The following CAST variants were observed in gnomAD, a reference collection of about 807,000 sequenced individuals.
CAST encodes MIR583 host.
A neutral mutation model predicts 119.6 loss-of-function variants in CAST; 76 were observed. The ratio of observed to expected loss-of-function variants is 0.64; its 90% CI spans 0.53 to 0.77. The LOEUF is 0.77. Among genes scored for constraint, CAST ranks in the 30% least tolerant of loss-of-function variants. The probability of loss-of-function intolerance (pLI) is 0.00; values close to 1 mark genes in which losing one functional copy is unlikely to be tolerated. For synonymous variants in CAST, 319 were observed against 331.6 expected (o/e 0.96, Z 0.41); for missense variants, 953 against 946.5 (o/e 1.01, Z -0.09).
the CAST span, among the ~76,000 whole-genome samples, chr5:96,176,461 A>T: frequency 6.6e-6 from 1 of 152,190 alleles, no homozygotes; most frequent in Non-Finnish European, 1.5e-5. Flanking sequence ...CCCCACCTTC[A>T]TTCTGTCTAC....
At chr5:96,116,205 A>C in the CAST span, among the ~76,000 whole-genome samples, 1 of 152,128 alleles carries the variant, frequency 6.6e-6, no homozygotes, top group Non-Finnish European at 1.5e-5. Context: ...ACAATATGAT[A>C]GTCTTCTTAG....
chr5:95,970,651 C>T, the CAST span, among the ~76,000 whole-genome samples: 2 of 152,296 alleles, frequency 1.3e-5, no homozygotes, highest in South Asian at 4.1e-4. Context: ...GATAAGGCCA[C>T]TTTCAAATTG....
chr5:96,361,222 G>T, the CAST span, among the ~76,000 whole-genome samples: 2 of 152,196 alleles, frequency 1.3e-5, no homozygotes, highest in South Asian at 4.1e-4. Flanking sequence ...AGACTGCTCT[G>T]CTGGCAGCAA....
chr5:96,297,744 A>G, the CAST span, among the ~76,000 whole-genome samples: 1 of 151,602 alleles, frequency 6.6e-6, no homozygotes, highest in African/African-American at 2.4e-5. Context: ...TTTTTTCTTT[A>G]TCTTAAGTAG....
At chr5:96,399,185 A>G in the CAST span, 15 of 652,868 alleles carry the variant, frequency 2.3e-5, no homozygotes, top group East Asian at 3.5e-4. Flanking sequence ...AGAATTATGT[A>G]TACATGAATT....
chr5:95,966,816 T>C, the CAST span, among the ~76,000 whole-genome samples: 1 of 152,192 alleles, frequency 6.6e-6, no homozygotes, highest in African/African-American at 2.4e-5. Flanking sequence ...AAGAGCAGTC[T>C]CTAGAAAGTT....
chr5:95,997,684 G>C, the CAST span, among the ~76,000 whole-genome samples: 2 of 152,130 alleles, frequency 1.3e-5, no homozygotes, highest in Admixed American at 6.5e-5. Context: ...GTTCTGTCAT[G>C]CAATGTCCTG....
intron 1 of CAST, among the ~76,000 whole-genome samples, chr5:96,663,804 T>C (rs1389482663): frequency 6.6e-6 from 1 of 152,162 alleles, no homozygotes; most frequent in Admixed American, 6.5e-5. Context: ...TTTATTACTT[T>C]GGATGAGGGA....
At chr5:96,051,407 T>G in the CAST span, among the ~76,000 whole-genome samples, 2 of 152,196 alleles carry the variant, frequency 1.3e-5, no homozygotes, top group African/African-American at 4.8e-5. Context: ...CAGGAATTTG[T>G]CTTTCAAATA....
chr5:96,524,407 T>C (rs755649434), upstream of CAST, among the ~76,000 whole-genome samples: 6 of 152,162 alleles, frequency 3.9e-5, no homozygotes, highest in Non-Finnish European at 7.4e-5. Flanking sequence ...CTTGGGTCAA[T>C]TTGAGAAGTA....
At chr5:96,474,154 A>G in the CAST span, among the ~76,000 whole-genome samples, 3 of 152,186 alleles carry the variant, frequency 2.0e-5, no homozygotes, top group Non-Finnish European at 4.4e-5. Flanking sequence ...CATTTTAAGC[A>G]GAAAATGAGA....
the CAST span, among the ~76,000 whole-genome samples, chr5:96,459,199 T>C: frequency 1.3e-5 from 2 of 152,188 alleles, no homozygotes; most frequent in African/African-American, 2.4e-5. Context: ...TTCTTTCTCC[T>C]TAACAGAAAT....
chr5:96,021,730 G>A, the CAST span, among the ~76,000 whole-genome samples: 4 of 152,166 alleles, frequency 2.6e-5, no homozygotes, highest in African/African-American at 9.7e-5. Flanking sequence ...ACAGGTGTGA[G>A]CCACTGCGCC....
chr5:96,530,299 G>A (rs55668618), intron 1 of CAST, among the ~76,000 whole-genome samples: 23,418 of 152,006 alleles, frequency 0.15, 2,149 homozygotes, highest in Middle Eastern at 0.22. Flanking sequence ...AAATAGAGAA[G>A]AAAACAGTAT....
the CAST span, among the ~76,000 whole-genome samples, chr5:96,312,576 A>G: frequency 6.6e-6 from 1 of 152,112 alleles, no homozygotes; most frequent in Non-Finnish European, 1.5e-5. Flanking sequence ...GCCCTGGTGA[A>G]TTAGTCTTGG....
the CAST span, among the ~76,000 whole-genome samples, chr5:96,445,894 G>A: frequency 1.3e-5 from 2 of 152,158 alleles, no homozygotes; most frequent in African/African-American, 4.8e-5. Context: ...TGGCACCCAG[G>A]CTGGAGTGCA....
the CAST span, among the ~76,000 whole-genome samples, chr5:96,360,393 T>A: frequency 6.6e-6 from 1 of 152,150 alleles, no homozygotes; most frequent in East Asian, 1.9e-4. Context: ...GTAGTTGTGA[T>A]CCCTCAGAGA....
chr5:96,265,226 G>A, the CAST span, among the ~76,000 whole-genome samples: 2 of 152,114 alleles, frequency 1.3e-5, no homozygotes, highest in East Asian at 3.8e-4. Context: ...GGGTGTGTTA[G>A]TCAGTGTTCT....
rs759108767 is a variant in CAST, at chr5:96,765,257, C to T, written c.1969C>T (p.Leu657Phe). The change falls in exon 26 of 32, where the codon CTC becomes TTC. Residue 657 changes from leucine (L) to phenylalanine (F), a missense_variant. By Grantham distance (22) the Leu-to-Phe change is conservative. Coordinates refer to ENST00000675179, the MANE Select transcript of CAST (RefSeq NM_001750.7). ...DKDLDDALDK[L>F]SDSLGQRQPD... ...AGACCTCGATGATGCCTTGGATAAA[C>T]TCTCTGACAGTCTAGGACAAAGGCA... 1.3e-6 allele frequency: 2 copies of T among 1,596,038 alleles called. No individual in the cohort carries two copies. The highest frequency in any genetic ancestry group is 3.4e-5 in the Admixed American group (2 of 58,404).
Sources: gnomAD v4.1 joint callset for allele counts (sites outside exome capture counted in the v4.1 genomes callset) on GRCh38, gnomAD v4.1.1 for gene constraint, MANE v1.5 for transcripts, NCBI Gene and HGNC (gene_info 2026-07-23, HGNC 2026-07-21) for gene names.